The following PTPRN2 variants were observed in gnomAD, a reference collection of about 807,000 sequenced individuals.
PTPRN2 encodes the protein protein tyrosine phosphatase receptor type N2, also known as receptor-type tyrosine-protein phosphatase N2.
In PTPRN2, 74 loss-of-function variants were observed where a neutral mutation model predicts 118.8. That is an observed-to-expected ratio of 0.62 (90% CI 0.52 to 0.76). The LOEUF is 0.76. Among genes scored for constraint, PTPRN2 ranks in the 30% least tolerant of loss-of-function variants. PTPRN2 has a pLI of 0.00. For synonymous variants in PTPRN2, 641 were observed against 608.0 expected (o/e 1.05, Z -0.80); for missense variants, 1,481 against 1,394.4 (o/e 1.06, Z -0.99).
chr7:158,179,231 T>G (rs765182572), intron 5 of PTPRN2, among the ~76,000 whole-genome samples: 2 of 152,260 alleles, frequency 1.3e-5, no homozygotes, highest in Admixed American at 1.3e-4. Flanking sequence ...CATTGTGGTT[T>G]TAATTTGCAT....
intron 22 of PTPRN2, among the ~76,000 whole-genome samples, chr7:157,544,316 G>A (rs889139759): frequency 2.2e-4 from 33 of 152,220 alleles, no homozygotes; most frequent in Admixed American, 1.8e-3. Flanking sequence ...CTGTCACTCC[G>A]GTGCTGTGCT....
intron 4 of PTPRN2, among the ~76,000 whole-genome samples, chr7:158,192,798 G>A: frequency 6.6e-6 from 1 of 152,220 alleles, no homozygotes; most frequent in Non-Finnish European, 1.5e-5. Context: ...GAGAAAGGGA[G>A]GAAGCTGCAG....
At chr7:158,582,239 T>A (rs554326363) in intron 1 of PTPRN2, among the ~76,000 whole-genome samples, 84 of 152,310 alleles carry the variant, frequency 5.5e-4, no homozygotes, top group African/African-American at 1.8e-3. Flanking sequence ...TGCTTTTATG[T>A]GGTGTGGAGG....
chr7:158,038,827 T>G (rs2128887971), intron 11 of PTPRN2, among the ~76,000 whole-genome samples: 1 of 151,324 alleles, frequency 6.6e-6, no homozygotes, highest in South Asian at 2.1e-4. Flanking sequence ...TTAAGAATCC[T>G]TACATTCTAA....
At chr7:158,161,323 C>T (rs2150571636) in intron 6 of PTPRN2, among the ~76,000 whole-genome samples, 1 of 152,324 alleles carries the variant, frequency 6.6e-6, no homozygotes, top group East Asian at 1.9e-4. Flanking sequence ...GGATGCACTA[C>T]ACCCATTGTT....
At chr7:158,252,770 A>C (rs914798675) in intron 3 of PTPRN2, among the ~76,000 whole-genome samples, 1 of 152,184 alleles carries the variant, frequency 6.6e-6, no homozygotes, top group Non-Finnish European at 1.5e-5. Context: ...AATCAGCCGC[A>C]TCACATGCAA....
chr7:158,491,395 C>A (rs1774628043), intron 1 of PTPRN2, among the ~76,000 whole-genome samples: 1 of 152,206 alleles, frequency 6.6e-6, no homozygotes, highest in South Asian at 2.1e-4. Context: ...CGGGTGGACA[C>A]CCCACCCATT....
chr7:158,168,861 A>G (rs879808045), intron 5 of PTPRN2, among the ~76,000 whole-genome samples: 2 of 152,178 alleles, frequency 1.3e-5, no homozygotes, highest in Admixed American at 1.3e-4. Flanking sequence ...AAGTCCCCAC[A>G]TTGTACCTCT....
intron 12 of PTPRN2, among the ~76,000 whole-genome samples, chr7:157,843,117 T>C (rs1204899746): frequency 6.6e-6 from 1 of 152,182 alleles, no homozygotes; most frequent in Non-Finnish European, 1.5e-5. Context: ...TCCACACCAA[T>C]ACTTTACACA....
chr7:157,811,169 G>A (rs988788388), intron 12 of PTPRN2, among the ~76,000 whole-genome samples: 4 of 151,352 alleles, frequency 2.6e-5, no homozygotes, highest in African/African-American at 9.7e-5. Context: ...TACTCGGGAG[G>A]CTGAGGCAGG....
chr7:158,036,388 A>C (rs535006590), intron 11 of PTPRN2, among the ~76,000 whole-genome samples: 1 of 152,340 alleles, frequency 6.6e-6, no homozygotes, highest in East Asian at 1.9e-4. Flanking sequence ...CACTGTTACT[A>C]AAGCTTCAAG....
intron 1 of PTPRN2, among the ~76,000 whole-genome samples, chr7:158,521,702 CA>C (rs1824069524): frequency 7.2e-5 from 7 of 96,564 alleles, no homozygotes; most frequent in African/African-American, 2.3e-4. Context: ...GTGGACTGTC[CA>C]GGTAGTGGCT....
At chr7:157,721,798 C>T (rs986553782) in intron 12 of PTPRN2, among the ~76,000 whole-genome samples, 4 of 152,312 alleles carry the variant, frequency 2.6e-5, no homozygotes, top group East Asian at 1.9e-4. Context: ...CTGCTCCCAC[C>T]CCAGGGGCCT....
At chr7:158,079,778 C>T (rs1585367895) in intron 11 of PTPRN2, among the ~76,000 whole-genome samples, 1 of 152,272 alleles carries the variant, frequency 6.6e-6, no homozygotes, top group East Asian at 1.9e-4. Context: ...TGTTGGGACC[C>T]CCCATTCCTC....
intron 11 of PTPRN2, among the ~76,000 whole-genome samples, chr7:157,978,429 T>C (rs1802906554): frequency 6.6e-6 from 1 of 152,050 alleles, no homozygotes; most frequent in Non-Finnish European, 1.5e-5. Flanking sequence ...CAGGGACCAT[T>C]CGGGAAATTG....
rs1802806745 is a variant in PTPRN2, at chr7:157,977,013, T to C, written c.1724-78276A>G. Among the ~76,000 whole-genome samples, 1 of 151,920 alleles carries C rather than the reference T, an allele frequency of 6.6e-6. No homozygotes were observed. The highest frequency in any genetic ancestry group is 2.4e-5 in the African/African-American group (1 of 41,390). Reference sequence around the variant, plus strand: ...GATTTCGTCAAATTTCAGAGGTATATGTAATTATGAAAAGCCATAAACACA... The same window carrying C: ...GATTTCGTCAAATTTCAGAGGTATACGTAATTATGAAAAGCCATAAACACA... On this transcript the variant is annotated intron_variant, in intron 11 of 22. Transcript: ENST00000389418. The surrounding 1 kb of genome is among the most constrained non-coding windows in gnomAD (Gnocchi z 4.6).
chr7:158,464,584 T>C (rs1819252462), intron 2 of PTPRN2, among the ~76,000 whole-genome samples: 2 of 150,926 alleles, frequency 1.3e-5, no homozygotes, highest in South Asian at 4.2e-4. Context: ...ATCATCACCG[T>C]CATCATCCAT....
intron 3 of PTPRN2, among the ~76,000 whole-genome samples, chr7:158,227,576 A>G (rs1443158255): frequency 1.3e-5 from 2 of 152,110 alleles, no homozygotes; most frequent in African/African-American, 2.4e-5. Context: ...CAGGATCTAG[A>G]TTTTATGAGT....
chr7:158,423,118 C>T (rs573560775), intron 2 of PTPRN2, among the ~76,000 whole-genome samples: 2 of 152,336 alleles, frequency 1.3e-5, no homozygotes, highest in East Asian at 3.9e-4. Context: ...AATTTATCTC[C>T]AACGCTGTCA....
Sources: gnomAD v4.1 joint callset for allele counts (sites outside exome capture counted in the v4.1 genomes callset) on GRCh38, gnomAD v4.1.1 for gene constraint, Gnocchi (gnomAD v3.1) non-coding constraint, MANE v1.5 for transcripts, NCBI Gene and HGNC (gene_info 2026-07-23, HGNC 2026-07-21) for gene names.